Variants in DNM3 observed in about 807,000 individuals in gnomAD.
DNM3 encodes the protein dynamin-3.
In DNM3, 47 loss-of-function variants were observed where a neutral mutation model predicts 101.6. That is an observed-to-expected ratio of 0.46 (90% CI 0.37 to 0.59). DNM3 has a LOEUF of 0.59. Among genes scored for constraint, DNM3 ranks in the 20% least tolerant of loss-of-function variants. The pLI is 0.00. For synonymous variants in DNM3, 385 were observed against 387.9 expected, an observed-to-expected ratio of 0.99 and a Z score of 0.09; for missense variants, 849 against 1,085.7, an observed-to-expected ratio of 0.78 and a Z score of 3.06.
At chr1:172,417,192 A>C (rs183830709), downstream of DNM3, among the ~76,000 whole-genome samples, 2 of 152,300 alleles carry the variant, frequency 1.3e-5, no homozygotes, top group East Asian at 3.9e-4. Context: ...GAAGTCAAAG[A>C]GAGTAGGGTC....
chr1:172,225,309 G>A (rs958984504), intron 14 of DNM3, among the ~76,000 whole-genome samples: 1 of 151,464 alleles, frequency 6.6e-6, no homozygotes, highest in African/African-American at 2.4e-5. Flanking sequence ...GCTAATTTTT[G>A]TATTTTTAGT....
intron 1 of DNM3, among the ~76,000 whole-genome samples, chr1:171,852,167 TTA>T (rs534240519): frequency 7.6e-4 from 116 of 152,346 alleles, no homozygotes; most frequent in African/African-American, 2.6e-3. Context: ...CCAAAATACA[TTA>T]TATTTATACC....
intron 11 of DNM3, among the ~76,000 whole-genome samples, chr1:172,073,348 CAT>C (rs774894185): frequency 6.6e-6 from 1 of 151,688 alleles, no homozygotes; most frequent in Non-Finnish European, 1.5e-5. Context: ...CATATTTGAA[CAT>C]ATATGCATAT....
intron 1 of DNM3, among the ~76,000 whole-genome samples, chr1:171,892,157 G>A (rs571689276): frequency 8.8e-4 from 131 of 148,468 alleles, no homozygotes; most frequent in African/African-American, 3.1e-3. Flanking sequence ...ACATAGTCTC[G>A]TAATTGTGTG....
rs145673290 is a variant in DNM3 at position 172,291,910 on chromosome 1, T to C, written c.1770-16818T>C. ...GCAGATAATGTAAAACAGGAAGAAA[T>C]ATGAATATATTTTTTGCCAGAATCA... On this transcript the variant is annotated intron_variant, in intron 15 of 20. Transcript: ENST00000627582. Among the ~76,000 whole-genome samples the C allele has an allele frequency of 2.9e-3, 446 of 152,222 alleles. 5 individuals are homozygous for C. Among genetic ancestry groups the C allele is most frequent in the African/African-American group, 9.9e-3 (411 of 41,522 alleles).
At chr1:172,372,450 T>C (rs980421105) in intron 17 of DNM3, among the ~76,000 whole-genome samples, 3 of 151,978 alleles carry the variant, frequency 2.0e-5, no homozygotes, top group African/African-American at 7.2e-5. Flanking sequence ...ACATACCACC[T>C]TGATGTTATG....
chr1:172,147,359 G>C (rs1487063120), intron 14 of DNM3, among the ~76,000 whole-genome samples: 3 of 152,126 alleles, frequency 2.0e-5, no homozygotes, highest in Non-Finnish European at 2.9e-5. Context: ...TACCCAAAAT[G>C]TATTGGGCCC....
intron 1 of DNM3, among the ~76,000 whole-genome samples, chr1:171,843,342 T>C (rs7517331): frequency 0.73 from 111,651 of 152,064 alleles, 41,435 homozygotes; most frequent in African/African-American, 0.85. Context: ...TCTTAGACTT[T>C]TGGTGAAGTG....
chr1:172,280,414 G>C (rs1484236807), intron 15 of DNM3, among the ~76,000 whole-genome samples: 2 of 152,104 alleles, frequency 1.3e-5, no homozygotes, highest in South Asian at 2.1e-4. Context: ...TCTATCCTGA[G>C]GGCCTAGAAC....
chr1:172,095,537 G>A (rs1479359400), intron 13 of DNM3, among the ~76,000 whole-genome samples: 1 of 152,164 alleles, frequency 6.6e-6, no homozygotes, highest in African/African-American at 2.4e-5. Flanking sequence ...AGCATATGAT[G>A]TTGATTGGGG....
intron 15 of DNM3, among the ~76,000 whole-genome samples, chr1:172,254,886 G>C (rs898496700): frequency 1.3e-5 from 2 of 152,098 alleles, no homozygotes; most frequent in Non-Finnish European, 2.9e-5. Flanking sequence ...ATTAAAATTT[G>C]TGTGAGTCAG....
At chr1:172,055,959 C>G (rs930765916) in intron 10 of DNM3, among the ~76,000 whole-genome samples, 6 of 152,160 alleles carry the variant, frequency 3.9e-5, no homozygotes, top group Non-Finnish European at 5.9e-5. Context: ...GAGTGCCAGA[C>G]AGTGGGCGCA....
chr1:172,100,410 C>T (rs2054551970), intron 13 of DNM3, among the ~76,000 whole-genome samples: 1 of 152,136 alleles, frequency 6.6e-6, no homozygotes, highest in East Asian at 1.9e-4. Context: ...CCTGCCATGT[C>T]CCCTAGTTCT....
intron 15 of DNM3, among the ~76,000 whole-genome samples, chr1:172,297,951 A>C (rs996554128): frequency 3.9e-5 from 6 of 152,004 alleles, no homozygotes; most frequent in Non-Finnish European, 8.8e-5. Flanking sequence ...TCTTGTTCAC[A>C]AGTTAGACAT....
chr1:172,138,996 G>T, intron 14 of DNM3: 1 of 461,978 alleles, frequency 2.2e-6, no homozygotes, highest in Non-Finnish European at 4.4e-6. Context: ...AGGGGAAAGG[G>T]AGAAAAATAC....
At chr1:172,174,139 A>G (rs1166454771) in intron 14 of DNM3, among the ~76,000 whole-genome samples, 1 of 151,724 alleles carries the variant, frequency 6.6e-6, no homozygotes, top group African/African-American at 2.4e-5. Context: ...GTTATTCTTT[A>G]TAAAATATAC....
intron 14 of DNM3, among the ~76,000 whole-genome samples, chr1:172,249,326 T>G (rs1241396131): frequency 6.6e-6 from 1 of 152,136 alleles, no homozygotes; most frequent in African/African-American, 2.4e-5. Flanking sequence ...TCTACCACCT[T>G]GGTTCCTCTG....
intron 1 of DNM3, among the ~76,000 whole-genome samples, chr1:171,849,108 G>A (rs1233411681): frequency 6.6e-6 from 1 of 152,204 alleles, no homozygotes; most frequent in African/African-American, 2.4e-5. Flanking sequence ...GCTTGGAATT[G>A]AAAGACTAAT....
At chr1:172,244,050 A>G (rs926677218) in intron 14 of DNM3, among the ~76,000 whole-genome samples, 3 of 151,814 alleles carry the variant, frequency 2.0e-5, no homozygotes, top group Non-Finnish European at 4.4e-5. Flanking sequence ...AGAGTGTGAT[A>G]TTCCCCTTCC....
Sources: allele counts gnomAD v4.1 joint callset (sites outside exome capture counted in the v4.1 genomes callset), GRCh38; gene constraint gnomAD v4.1.1; transcripts MANE v1.5; gene names NCBI Gene and HGNC (gene_info 2026-07-23, HGNC 2026-07-21).